The following ZNF385B variants were observed in gnomAD, a reference collection of about 807,000 sequenced individuals.
ZNF385B encodes zinc finger protein 533.
ZNF385B carries 23 observed loss-of-function variants against 39.2 expected under a neutral mutation model. The observed-to-expected ratio is 0.59, with a 90% confidence interval of 0.42 to 0.83. ZNF385B has a LOEUF of 0.83. ZNF385B is among the 40% of genes least tolerant of loss of function. The pLI is 0.00. For synonymous variants in ZNF385B, 205 were observed against 222.6 expected (o/e 0.92, Z 0.70); for missense variants, 552 against 598.9 (o/e 0.92, Z 0.82).
chr2:179,609,650 C>G (rs1689122293), intron 3 of ZNF385B, among the ~76,000 whole-genome samples: 1 of 152,194 alleles, frequency 6.6e-6, no homozygotes, highest in South Asian at 2.1e-4. Flanking sequence ...GAGAAATCTA[C>G]AAACTATCCT....
chr2:179,591,359 T>C (rs896531385), intron 3 of ZNF385B, among the ~76,000 whole-genome samples: 5 of 152,106 alleles, frequency 3.3e-5, no homozygotes, highest in African/African-American at 7.2e-5. Context: ...TTACTTTGAA[T>C]AGAATATATA....
intron 3 of ZNF385B, among the ~76,000 whole-genome samples, chr2:179,588,298 G>A (rs548198780): frequency 6.6e-6 from 1 of 151,930 alleles, no homozygotes; most frequent in Admixed American, 6.6e-5. Context: ...CCGTGTTAGC[G>A]AGCATGGTCT....
intron 1 of ZNF385B, among the ~76,000 whole-genome samples, chr2:179,787,625 A>G (rs867943478): frequency 2.0e-5 from 3 of 152,158 alleles, no homozygotes; most frequent in Non-Finnish European, 2.9e-5. Context: ...AGACACTAGT[A>G]AAATATTTCT....
chr2:179,818,526 A>T (rs2106578418), intron 1 of ZNF385B, among the ~76,000 whole-genome samples: 1 of 152,316 alleles, frequency 6.6e-6, no homozygotes, highest in Non-Finnish European at 1.5e-5. Flanking sequence ...TTTAACAGAT[A>T]ATTTCTGAAC....
intron 3 of ZNF385B, among the ~76,000 whole-genome samples, chr2:179,601,585 C>G (rs1353269352): frequency 1.3e-5 from 2 of 152,086 alleles, no homozygotes; most frequent in Admixed American, 6.6e-5. Flanking sequence ...ACTAATCTTG[C>G]CTTGTGCCCC....
chr2:179,839,105 A>G (rs1708414571), intron 1 of ZNF385B, among the ~76,000 whole-genome samples: 1 of 152,212 alleles, frequency 6.6e-6, no homozygotes, highest in Non-Finnish European at 1.5e-5. Context: ...AAGAAGATTC[A>G]CACCTGGATC....
intron 3 of ZNF385B, among the ~76,000 whole-genome samples, chr2:179,667,550 T>C (rs16866903): frequency 0.19 from 28,237 of 152,096 alleles, 3,058 homozygotes; most frequent in Admixed American, 0.24. Flanking sequence ...CAGGTGTGGG[T>C]CACTGATTTC....
At chr2:179,719,862 C>G (rs547930081) in intron 3 of ZNF385B, among the ~76,000 whole-genome samples, 1 of 152,162 alleles carries the variant, frequency 6.6e-6, no homozygotes, top group African/African-American at 2.4e-5. Context: ...CTTCTAATTA[C>G]CTGTGAATGT....
intron 3 of ZNF385B, among the ~76,000 whole-genome samples, chr2:179,591,988 T>C (rs557657105): frequency 7.0e-6 from 1 of 143,076 alleles, no homozygotes. Flanking sequence ...GAAAATGAGG[T>C]GTTGTTAACA....
At chr2:179,723,181 CTATT>C (rs1329123072) in intron 3 of ZNF385B, among the ~76,000 whole-genome samples, 2 of 152,062 alleles carry the variant, frequency 1.3e-5, no homozygotes, top group East Asian at 1.9e-4. Context: ...TAATAATTGA[CTATT>C]TACAATGCAT....
chr2:179,642,902 T>C (rs1262478900), intron 3 of ZNF385B, among the ~76,000 whole-genome samples: 2 of 152,176 alleles, frequency 1.3e-5, no homozygotes, highest in Non-Finnish European at 2.9e-5. Context: ...AAGTATGCAC[T>C]AAGTATCTCT....
At chr2:179,791,301 C>G (rs1342302068) in intron 1 of ZNF385B, among the ~76,000 whole-genome samples, 3 of 152,158 alleles carry the variant, frequency 2.0e-5, no homozygotes, top group Admixed American at 2.0e-4. Context: ...ACTTCTCTAC[C>G]TAATACAGTC....
intron 5 of ZNF385B, among the ~76,000 whole-genome samples, chr2:179,496,618 G>A (rs909114674): frequency 6.6e-6 from 1 of 152,150 alleles, no homozygotes; most frequent in African/African-American, 2.4e-5. Flanking sequence ...ACATACAACA[G>A]AGCTCCAATA....
intron 1 of ZNF385B, among the ~76,000 whole-genome samples, chr2:179,829,237 T>A (rs918439738): frequency 3.9e-5 from 6 of 152,144 alleles, no homozygotes; most frequent in Non-Finnish European, 7.4e-5. Flanking sequence ...GTGAAGAGAC[T>A]ATTAGCTGAA....
intron 3 of ZNF385B, among the ~76,000 whole-genome samples, chr2:179,616,757 C>T (rs908045823): frequency 5.3e-5 from 8 of 152,066 alleles, no homozygotes; most frequent in African/African-American, 1.7e-4. Flanking sequence ...GACAGGGTCT[C>T]GCTATGTTGC....
intron 3 of ZNF385B, among the ~76,000 whole-genome samples, chr2:179,657,677 T>C (rs1295415183): frequency 6.6e-6 from 1 of 152,220 alleles, no homozygotes; most frequent in Non-Finnish European, 1.5e-5. Flanking sequence ...GAAAGTGTTG[T>C]GAATCCAAAT....
intron 1 of ZNF385B, among the ~76,000 whole-genome samples, chr2:179,806,760 A>T (rs1266378777): frequency 6.6e-6 from 1 of 152,182 alleles, no homozygotes; most frequent in African/African-American, 2.4e-5. Context: ...TCAAGATTTA[A>T]AACCAAGTTA....
intron 4 of ZNF385B, among the ~76,000 whole-genome samples, chr2:179,538,484 A>C (rs1280726489): frequency 6.7e-6 from 1 of 150,330 alleles, no homozygotes; most frequent in African/African-American, 2.4e-5. Context: ...TCTCTGATGA[A>C]TATATTATTA....
chr2:179,600,439 C>T (rs1688325961), intron 3 of ZNF385B, among the ~76,000 whole-genome samples: 1 of 152,174 alleles, frequency 6.6e-6, no homozygotes, highest in South Asian at 2.1e-4. Flanking sequence ...TGAATTACTT[C>T]TGCAGGCAAG....
Sources: gnomAD v4.1 joint callset for allele counts (sites outside exome capture counted in the v4.1 genomes callset) on GRCh38, gnomAD v4.1.1 for gene constraint, MANE v1.5 for transcripts, NCBI Gene and HGNC (gene_info 2026-07-23, HGNC 2026-07-21) for gene names.